DTL: variants seen among roughly 807,000 people sequenced by gnomAD.
The protein encoded by DTL is denticleless E3 ubiquitin protein ligase adapter.
In DTL, 46 loss-of-function variants were observed where a neutral mutation model predicts 87.0. The ratio of observed to expected loss-of-function variants is 0.53; its 90% confidence interval spans 0.42 to 0.68. The LOEUF is 0.68. Ranked by LOEUF, DTL falls within the 30% of genes least tolerant of loss-of-function variation. DTL has a pLI of 0.00. For synonymous variants in DTL, 308 were observed against 311.2 expected, an observed-to-expected ratio of 0.99 and a Z score of 0.11; for missense variants, 737 against 869.4, an observed-to-expected ratio of 0.85 and a Z score of 1.91.
At chr1:212,091,355 T>C (rs993692699) in intron 13 of DTL, among the ~76,000 whole-genome samples, 2 of 152,182 alleles carry the variant, frequency 1.3e-5, no homozygotes, top group African/African-American at 4.8e-5. Context: ...CTGGTGGGAA[T>C]GTAAATTAGT....
intron 13 of DTL, among the ~76,000 whole-genome samples, chr1:212,098,359 C>G (rs111858265): frequency 1.1e-3 from 160 of 152,244 alleles, no homozygotes; most frequent in African/African-American, 3.7e-3. Flanking sequence ...TGGCCTCCAG[C>G]CAGGAGGTGG....
intron 13 of DTL, among the ~76,000 whole-genome samples, chr1:212,095,344 A>T (rs1655413596): frequency 6.6e-6 from 1 of 152,068 alleles, no homozygotes; most frequent in African/African-American, 2.4e-5. Flanking sequence ...GCTTCTATTG[A>T]AGTGATCATG....
intron 2 of DTL, among the ~76,000 whole-genome samples, chr1:212,044,076 G>A (rs1024099481): frequency 1.3e-5 from 2 of 152,130 alleles, no homozygotes; most frequent in African/African-American, 4.8e-5. Flanking sequence ...GTGACATAGC[G>A]AGACTGTCTC....
At chr1:212,081,294 G>A (rs116329252) in intron 13 of DTL, among the ~76,000 whole-genome samples, 4,099 of 152,148 alleles carry the variant, frequency 0.027, 77 homozygotes, top group Non-Finnish European at 0.039. Flanking sequence ...AATATTCCAG[G>A]CAGATAAAAG....
rs1655704283 is a variant in DTL at position 212,104,155 on chromosome 1, G to C, written c.*1215G>C. 1 of 151,714 alleles carries C rather than the reference G, an allele frequency of 6.6e-6. No homozygotes were observed. Among genetic ancestry groups the C allele is most frequent in the Non-Finnish European group, 1.5e-5 (1 of 67,920 alleles). 9.4% of individuals were successfully genotyped at this position (151,714 alleles called of 1,614,324 possible). A position where few individuals can be genotyped will look rare whatever the true frequency, so the allele number is the denominator to read the frequency against. On this transcript the variant is annotated 3_prime_UTR_variant, in exon 15 of 15. Transcript: ENST00000366991. ...TTTCACCTTTGTAACCTCATGGAAA[G>C]AGGCTTTACATACTTTCTATGTACT...
intron 7 of DTL, among the ~76,000 whole-genome samples, chr1:212,065,395 CAT>C (rs565003148): frequency 2.0e-5 from 3 of 151,612 alleles, no homozygotes; most frequent in South Asian, 2.1e-4. Context: ...AAATTGATAA[CAT>C]AATTTTACAT....
At chr1:212,048,194 T>A (rs1346743151) in intron 5 of DTL, among the ~76,000 whole-genome samples, 2 of 152,102 alleles carry the variant, frequency 1.3e-5, no homozygotes, top group Admixed American at 1.3e-4. Flanking sequence ...TTGTTTTTTG[T>A]TTGTTTGTTT....
intron 13 of DTL, among the ~76,000 whole-genome samples, chr1:212,093,413 C>T (rs1402327590): frequency 2.0e-5 from 3 of 152,178 alleles, no homozygotes. Flanking sequence ...GGGGTTCTTG[C>T]CTTGGTGTAC....
chr1:212,068,146 C>A (rs1654562840), intron 8 of DTL, 78 bp from the exon 9 acceptor site: 2 of 858,074 alleles, frequency 2.3e-6, no homozygotes, highest in Non-Finnish European at 3.7e-6. Context: ...GATTAAAAGT[C>A]ATTTCACATT....
chr1:212,078,088 T>C, intron 11 of DTL, 85 bp from the exon 12 acceptor site: 1 of 831,764 alleles, frequency 1.2e-6, no homozygotes, highest in Admixed American at 2.0e-5. Flanking sequence ...CCTAAAGCTC[T>C]CTAAGACACA....
chr1:212,100,871 G>T lies in DTL; in HGVS notation c.1881G>T (p.Pro627=), dbSNP rs149056494. The T allele has an allele frequency of 1.9e-6, 3 of 1,614,134 alleles. No individual in the cohort carries two copies. In the Middle Eastern group the frequency reaches 4.9e-4, roughly 266 times the overall value. Reference sequence around the variant, plus strand: ...CAGAGCCTCCGTCTCCTATCAGTCCGTATGCTTCAGAAAGCTGTGGAACGC... The same window carrying T: ...CAGAGCCTCCGTCTCCTATCAGTCCTTATGCTTCAGAAAGCTGTGGAACGC... ...SISEPPSPIS[P]YASESCGTLP... is the part of the protein sequence containing the mutation. The change falls in exon 14 of 15, where the codon CCG becomes CCT. Residue 627 remains proline (P), a synonymous_variant. Transcript: ENST00000366991.
intron 12 of DTL, among the ~76,000 whole-genome samples, chr1:212,079,541 G>T (rs932461163): frequency 2.6e-5 from 4 of 152,120 alleles, no homozygotes; most frequent in Non-Finnish European, 5.9e-5. Context: ...TTTGGAATAG[G>T]AGAAAGCTGG....
Position 212,102,960 on chromosome 1 carries a change from A to ACTGAGCTTTGGTCCACTAAAACAAG in DTL, c.*46_*70dup, listed in dbSNP as rs566440188. 1 of 1,458,988 alleles carries ACTGAGCTTTGGTCCACTAAAACAAG rather than the reference A, an allele frequency of 6.9e-7. No homozygotes were observed. 90.4% of individuals were successfully genotyped at this position (1,458,988 alleles called of 1,614,324 possible). A position where few individuals can be genotyped will look rare whatever the true frequency, so the allele number is the denominator to read the frequency against. On this transcript the variant is annotated 3_prime_UTR_variant, in exon 15 of 15. Transcript: ENST00000366991. The stretch of plus-strand genomic sequence containing the variant: ...TTATAGATTCTAATCTGAGTGAGTT[A>ACTGAGCTTTGGTCCACTAAAACAAG]CTGAGCTTTGGTCCACTAAAACAAG...
chr1:212,089,234 G>C (rs1655217060), intron 13 of DTL, among the ~76,000 whole-genome samples: 1 of 152,212 alleles, frequency 6.6e-6, no homozygotes, highest in South Asian at 2.1e-4. Context: ...TAAGGAGTTA[G>C]TCCACTTAAG....
intron 13 of DTL, 57 bp downstream of exon 13, chr1:212,080,807 G>A: frequency 6.4e-7 from 1 of 1,561,258 alleles, no homozygotes; most frequent in Admixed American, 1.8e-5. Context: ...TAGTCCGACA[G>A]TACAGAGTAA....
chr1:212,046,279 G>A (rs1195227891), intron 3 of DTL, among the ~76,000 whole-genome samples: 1 of 152,024 alleles, frequency 6.6e-6, no homozygotes, highest in Admixed American at 6.6e-5. Flanking sequence ...TTTTATGTGT[G>A]CATCTTTATT....
chr1:212,050,096 A>T (rs555908333), intron 5 of DTL, among the ~76,000 whole-genome samples: 2 of 152,234 alleles, frequency 1.3e-5, no homozygotes, highest in East Asian at 3.9e-4. Flanking sequence ...GCTTGAGCCC[A>T]GGAGTTTGCA....
Position 212,101,012 on chromosome 1 carries a change from T to TC in DTL, c.2024dup (p.Ser676IlefsTer40). Reference sequence around the variant, plus strand: ...TGGCAGCCAAACGGAAGGCTGAGAATCCATCTCCACGAAGTCCGTCATCCC... The same window carrying TC: ...TGGCAGCCAAACGGAAGGCTGAGAATCCCATCTCCACGAAGTCCGTCATCCC... On this transcript the variant is annotated frameshift_variant, in exon 14 of 15. Coordinates refer to ENST00000366991, the MANE Select transcript of DTL (RefSeq NM_016448.4). LOFTEE classifies it high-confidence loss of function. 6.2e-7 allele frequency: 1 copy of TC among 1,614,016 alleles called. No individual in the cohort carries two copies.
At chr1:212,089,573 G>A (rs1655226194) in intron 13 of DTL, among the ~76,000 whole-genome samples, 2 of 152,128 alleles carry the variant, frequency 1.3e-5, no homozygotes. Context: ...CTCTGTACTG[G>A]TTGAATTTTT....
Sources: gnomAD v4.1 joint callset for allele counts (sites outside exome capture counted in the v4.1 genomes callset) on GRCh38, gnomAD v4.1.1 for gene constraint, MANE v1.5 for transcripts, NCBI Gene and HGNC (gene_info 2026-07-23, HGNC 2026-07-21) for gene names.